The following KIAA1217 variants were observed in gnomAD, a reference collection of about 807,000 sequenced individuals.
The protein encoded by KIAA1217 is KIAA1217, also known as sickle tail protein homolog.
KIAA1217 carries 88 observed loss-of-function variants against 163.9 expected under a neutral mutation model. The ratio of observed to expected loss-of-function variants is 0.54; its 90% CI spans 0.45 to 0.64. The LOEUF (loss-of-function observed/expected upper bound fraction) is 0.64, where lower values mean the gene tolerates loss of function less well. KIAA1217 is among the 30% of genes least tolerant of loss of function. The probability of loss-of-function intolerance (pLI) is 0.00; values close to 1 mark genes in which losing one functional copy is unlikely to be tolerated. For synonymous variants in KIAA1217, 903 were observed against 923.1 expected (o/e 0.98, Z 0.39); for missense variants, 2,372 against 2,475.0 (o/e 0.96, Z 0.88).
At chr10:24,478,453 T>C (rs1441784544) in intron 6 of KIAA1217, among the ~76,000 whole-genome samples, 1 of 152,194 alleles carries the variant, frequency 6.6e-6, no homozygotes, top group Non-Finnish European at 1.5e-5. Context: ...GTGTCTATGG[T>C]ATAACATTCT....
At chr10:24,472,434 C>A (rs2063623533) in intron 5 of KIAA1217, among the ~76,000 whole-genome samples, 1 of 152,196 alleles carries the variant, frequency 6.6e-6, no homozygotes, top group Admixed American at 6.5e-5. Context: ...CTGCTCATCT[C>A]CCTAGATTGT....
intron 2 of KIAA1217, among the ~76,000 whole-genome samples, chr10:24,056,668 G>A (rs577402904): frequency 7.2e-5 from 11 of 152,052 alleles, no homozygotes; most frequent in Non-Finnish European, 1.5e-4. Flanking sequence ...ATGAAGGTCC[G>A]AAAACATGAG....
At chr10:24,060,160 A>T (rs1447192139) in intron 2 of KIAA1217, among the ~76,000 whole-genome samples, 1 of 149,226 alleles carries the variant, frequency 6.7e-6, no homozygotes, top group African/African-American at 2.5e-5. Context: ...TTTTTTTCCT[A>T]TTGTTTTGCT....
chr10:24,543,624 G>A lies in KIAA1217; in HGVS notation c.4354G>A (p.Asp1452Asn), dbSNP rs1298738789. ...GATCATCATTTTCGATGAGCCCATG[G>A]ACATCCGGTCTGCCTATAAGAGACT... ...PVIIIFDEPM[D>N]IRSAYKRLST... The change falls in exon 19 of 21, where the codon GAC (aspartate) becomes AAC (asparagine). Residue 1452 changes from aspartate (D) to asparagine (N), a missense_variant. Asp to Asn is a conservative substitution (Grantham distance 23). Around this residue, in one of 3 missense-constraint regions of KIAA1217, gnomAD observed 690 missense variants for 677.5 expected, o/e 1.02. Coordinates refer to ENST00000376454, the MANE Select transcript of KIAA1217 (RefSeq NM_019590.5). 2 of 1,614,154 alleles carry A rather than the reference G, an allele frequency of 1.2e-6. No individual in the cohort carries two copies. Among genetic ancestry groups the A allele is most frequent in the South Asian group, 2.2e-5 (2 of 91,066 alleles).
chr10:24,216,892 T>C (rs2068896492), intron 1 of KIAA1217, among the ~76,000 whole-genome samples: 1 of 147,948 alleles, frequency 6.8e-6, no homozygotes, highest in Non-Finnish European at 1.5e-5. Flanking sequence ...AATAGCCAGA[T>C]GTGGTGGCAC....
chr10:24,157,976 C>A, intron 2 of KIAA1217: 1 of 751,674 alleles, frequency 1.3e-6, no homozygotes, highest in Admixed American at 1.9e-5. Flanking sequence ...GGTGACTCCA[C>A]AATCTCGATC....
At chr10:23,976,908 C>G (rs1845566130) in intron 1 of KIAA1217, among the ~76,000 whole-genome samples, 2 of 152,126 alleles carry the variant, frequency 1.3e-5, no homozygotes, top group African/African-American at 4.8e-5. Flanking sequence ...TTAACTTGCT[C>G]TAAAGGAGCA....
Position 24,381,039 on chromosome 10 carries a change from A to C in KIAA1217, c.525A>C (p.Ser175=). The C allele has an allele frequency of 6.3e-7, 1 of 1,584,132 alleles. No individual in the cohort carries two copies. The highest frequency in any genetic ancestry group is 8.6e-7 in the Non-Finnish European group (1 of 1,164,104). The change falls in exon 3 of 21, where the codon TCA becomes TCC. Residue 175 remains serine, a synonymous_variant. Transcript: ENST00000376454. ...GTGCGAGCCTTCCTGTGGTGAGGTC[A>C]ACCAACCAGACGAAAGAAAGATCTC... is the stretch of plus-strand genomic sequence containing the variant. ...RTRASLPVVR[S]TNQTKERSLG... is the part of the protein sequence containing the mutation.
chr10:23,989,183 G>C (rs2131432723), intron 1 of KIAA1217, among the ~76,000 whole-genome samples: 1 of 152,204 alleles, frequency 6.6e-6, no homozygotes, highest in African/African-American at 2.4e-5. Flanking sequence ...GCAGAAATAA[G>C]CAACATTTAC....
intron 8 of KIAA1217, among the ~76,000 whole-genome samples, chr10:24,495,564 A>G (rs756978274): frequency 3.9e-5 from 6 of 152,234 alleles, no homozygotes; most frequent in Non-Finnish European, 7.3e-5. Context: ...TTTCACCAAT[A>G]GGACTAGCCT....
chr10:23,896,481 T>G (rs1419690521), intron 1 of KIAA1217, among the ~76,000 whole-genome samples: 1 of 152,086 alleles, frequency 6.6e-6, no homozygotes, highest in African/African-American at 2.4e-5. Context: ...ATAGAGATCT[T>G]TCTGGTGATC....
At chr10:24,105,437 C>T (rs2062587319) in intron 2 of KIAA1217, among the ~76,000 whole-genome samples, 1 of 152,168 alleles carries the variant, frequency 6.6e-6, no homozygotes, top group South Asian at 2.1e-4. Context: ...TTTAATGTCC[C>T]TCATTCAGCC....
intron 2 of KIAA1217, chr10:24,158,761 C>T: frequency 2.0e-6 from 1 of 490,838 alleles, no homozygotes; most frequent in South Asian, 1.6e-5. Flanking sequence ...ATCTTGTATC[C>T]AAAGCAATGG....
intron 1 of KIAA1217, among the ~76,000 whole-genome samples, chr10:23,750,716 T>G (rs766102201): frequency 3.2e-4 from 48 of 152,246 alleles, no homozygotes; most frequent in Admixed American, 3.3e-4. Context: ...GAATGACTAA[T>G]TGAAGAGCTT....
At chr10:23,730,631 A>G (rs1180943588) in intron 1 of KIAA1217, among the ~76,000 whole-genome samples, 1 of 147,050 alleles carries the variant, frequency 6.8e-6, no homozygotes, top group Non-Finnish European at 1.5e-5. Context: ...ATGAACATGG[A>G]ATATTTTTCC....
chr10:24,291,823 TA>T (rs1238353040), intron 2 of KIAA1217, among the ~76,000 whole-genome samples: 4 of 152,214 alleles, frequency 2.6e-5, no homozygotes, highest in African/African-American at 9.6e-5. Flanking sequence ...CAATAGCTAT[TA>T]TTTAAATACA....
intron 5 of KIAA1217, among the ~76,000 whole-genome samples, chr10:24,448,180 A>T (rs999247075): frequency 1.3e-5 from 2 of 152,054 alleles, no homozygotes; most frequent in Non-Finnish European, 2.9e-5. Context: ...ATAAAGAAAA[A>T]ATCTGCTTTG....
At chr10:23,957,972 G>T (rs563966873) in intron 1 of KIAA1217, among the ~76,000 whole-genome samples, 2 of 152,002 alleles carry the variant, frequency 1.3e-5, no homozygotes, top group East Asian at 3.9e-4. Flanking sequence ...TTTCCTATTC[G>T]ACAAATAAAT....
intron 2 of KIAA1217, among the ~76,000 whole-genome samples, chr10:24,265,425 C>T (rs2076143478): frequency 6.6e-6 from 1 of 152,154 alleles, no homozygotes. Flanking sequence ...TGCCTTAATC[C>T]CACATGTACT....
Sources: allele counts gnomAD v4.1 joint callset (sites outside exome capture counted in the v4.1 genomes callset), GRCh38; gene constraint gnomAD v4.1.1; regional missense constraint gnomAD v4.1.1; transcripts MANE v1.5; gene names NCBI Gene and HGNC (gene_info 2026-07-23, HGNC 2026-07-21).